FGF14: variants seen among roughly 807,000 people sequenced by gnomAD.
FGF14 encodes the protein fibroblast growth factor homologous factor 4.
A neutral mutation model predicts 25.5 loss-of-function variants in FGF14; 5 were observed. That is an observed-to-expected ratio of 0.20 (90% CI 0.10 to 0.41). FGF14 has a LOEUF of 0.41. Among genes scored for constraint, FGF14 ranks in the 10% least tolerant of loss-of-function variants. FGF14 has a pLI of 1.00. For missense variants in FGF14, 222 were observed against 320.1 expected, an observed-to-expected ratio of 0.69 and a Z score of 2.34; for synonymous variants, 138 against 118.3, an observed-to-expected ratio of 1.17 and a Z score of -1.08.
chr13:101,978,420 TGGAGCCA>T lies in FGF14; in HGVS notation c.209-103131_209-103125del, dbSNP rs151331886. Among the ~76,000 whole-genome samples, 205 of 152,322 alleles carry T rather than the reference TGGAGCCA, an allele frequency of 1.3e-3. 3 individuals are homozygous for T. The East Asian group carries it at 0.037, about 28-fold the overall frequency. ...GTTTCTGATTTTAATCATAACTGCA[TGGAGCCA>T]GAAGGGTCACTAAATAGCATCCAAA... is the stretch of plus-strand genomic sequence containing the variant. On this transcript the variant is annotated intron_variant, in intron 1 of 4. Transcript: ENST00000376131.
At chr13:101,799,871 C>T (rs2040770073) in intron 3 of FGF14, among the ~76,000 whole-genome samples, 1 of 152,008 alleles carries the variant, frequency 6.6e-6, no homozygotes, top group African/African-American at 2.4e-5. Context: ...CAGAATTGTC[C>T]ACAGTAATGA....
chr13:101,854,765 C>A (rs930016740), intron 3 of FGF14, among the ~76,000 whole-genome samples: 1 of 152,008 alleles, frequency 6.6e-6, no homozygotes, highest in African/African-American at 2.4e-5. Flanking sequence ...GTCCACCTAT[C>A]AATCCTACTC....
chr13:101,841,808 A>G (rs189888071), intron 3 of FGF14, among the ~76,000 whole-genome samples: 1 of 151,902 alleles, frequency 6.6e-6, no homozygotes, highest in Admixed American at 6.6e-5. Context: ...TGTTTTGATC[A>G]TCTGTGTCCC....
At chr13:101,928,762 A>G (rs1055100618) in intron 1 of FGF14, among the ~76,000 whole-genome samples, 4 of 152,166 alleles carry the variant, frequency 2.6e-5, no homozygotes, top group African/African-American at 7.2e-5. Flanking sequence ...TCTCCATCAC[A>G]GCTCTGTACT....
At chr13:102,004,538 C>T (rs2039677407) in intron 1 of FGF14, among the ~76,000 whole-genome samples, 1 of 152,214 alleles carries the variant, frequency 6.6e-6, no homozygotes. Flanking sequence ...TCTATAACAA[C>T]AAGCCTCTCT....
At chr13:102,365,726 G>A (rs1242337963) in intron 1 of FGF14, among the ~76,000 whole-genome samples, 2 of 151,792 alleles carry the variant, frequency 1.3e-5, no homozygotes, top group Non-Finnish European at 2.9e-5. Context: ...CTTCCAACCT[G>A]TTTATGTATA....
chr13:102,267,869 T>C (rs2053064777), intron 1 of FGF14, among the ~76,000 whole-genome samples: 1 of 152,102 alleles, frequency 6.6e-6, no homozygotes, highest in South Asian at 2.1e-4. Context: ...AAAATAGTTA[T>C]TCAAATGTAT....
At chr13:101,841,436 C>A (rs561053129) in intron 3 of FGF14, among the ~76,000 whole-genome samples, 1 of 151,824 alleles carries the variant, frequency 6.6e-6, no homozygotes, top group Non-Finnish European at 1.5e-5. Flanking sequence ...TTTGAGTTAG[C>A]CTAAGTTAAA....
At chr13:102,004,388 C>G (rs985121631) in intron 1 of FGF14, among the ~76,000 whole-genome samples, 1 of 152,120 alleles carries the variant, frequency 6.6e-6, no homozygotes, top group Non-Finnish European at 1.5e-5. Context: ...TTCACCATAC[C>G]ATAGACCAAG....
chr13:102,212,855 G>A (rs945024851), intron 1 of FGF14, among the ~76,000 whole-genome samples: 8 of 152,120 alleles, frequency 5.3e-5, no homozygotes, highest in Non-Finnish European at 7.4e-5. Flanking sequence ...GCTTTGCTCC[G>A]TAGGAGTCTA....
chr13:102,190,028 A>G (rs946975270), intron 1 of FGF14, among the ~76,000 whole-genome samples: 3 of 152,122 alleles, frequency 2.0e-5, no homozygotes, highest in Non-Finnish European at 2.9e-5. Context: ...CATTTCAACG[A>G]GATGTTGAGG....
intron 3 of FGF14, among the ~76,000 whole-genome samples, chr13:101,755,422 A>G (rs1344491011): frequency 6.6e-6 from 1 of 151,806 alleles, no homozygotes; most frequent in Non-Finnish European, 1.5e-5. Flanking sequence ...GATTGCTTGC[A>G]CCTCGGAGTT....
At chr13:102,051,675 C>A (rs1455136838) in intron 1 of FGF14, among the ~76,000 whole-genome samples, 2 of 152,166 alleles carry the variant, frequency 1.3e-5, no homozygotes, top group African/African-American at 4.8e-5. Flanking sequence ...TAGAGCTATA[C>A]AAACACTACA....
chr13:102,294,513 T>C (rs1013724759), intron 1 of FGF14, among the ~76,000 whole-genome samples: 26 of 152,202 alleles, frequency 1.7e-4, no homozygotes, highest in African/African-American at 6.3e-4. Flanking sequence ...TATTTCATGT[T>C]ATCTCTAAAA....
intron 1 of FGF14, among the ~76,000 whole-genome samples, chr13:102,173,576 C>A (rs1219668380): frequency 6.6e-6 from 1 of 152,088 alleles, no homozygotes; most frequent in Non-Finnish European, 1.5e-5. Flanking sequence ...TGGAAACAAC[C>A]CAAATGTCCA....
intron 1 of FGF14, among the ~76,000 whole-genome samples, chr13:101,902,539 C>T (rs189711740): frequency 6.6e-6 from 1 of 152,118 alleles, no homozygotes; most frequent in Non-Finnish European, 1.5e-5. Context: ...AGTGATGCAG[C>T]CAATATTGAT....
At chr13:102,355,023 T>C (rs1302238534) in intron 1 of FGF14, among the ~76,000 whole-genome samples, 1 of 152,174 alleles carries the variant, frequency 6.6e-6, no homozygotes, top group East Asian at 1.9e-4. Context: ...CATTTCACAC[T>C]GTCATGGAAC....
intron 1 of FGF14, among the ~76,000 whole-genome samples, chr13:101,936,329 G>A (rs1420821555): frequency 6.6e-6 from 1 of 152,174 alleles, no homozygotes; most frequent in African/African-American, 2.4e-5. Flanking sequence ...GCTGAGTTTT[G>A]AGGGATGCAC....
chr13:101,991,870 C>A (rs2038927259), intron 1 of FGF14, among the ~76,000 whole-genome samples: 1 of 152,088 alleles, frequency 6.6e-6, no homozygotes, highest in Non-Finnish European at 1.5e-5. Context: ...AAAGAAAAAT[C>A]CCCTCATGTT....
Sources: allele counts gnomAD v4.1 joint callset (sites outside exome capture counted in the v4.1 genomes callset), GRCh38; gene constraint gnomAD v4.1.1; transcripts MANE v1.5; gene names NCBI Gene and HGNC (gene_info 2026-07-23, HGNC 2026-07-21).